Variants in COG5 observed in about 807,000 individuals in gnomAD.
The protein encoded by COG5 is conserved oligomeric Golgi complex subunit 5.
COG5 carries 86 observed loss-of-function variants against 110.4 expected under a neutral mutation model. That is an observed-to-expected ratio of 0.78 (90% CI 0.65 to 0.93). COG5 has a LOEUF of 0.93. Ranked by LOEUF, COG5 falls within the 40% of genes least tolerant of loss-of-function variation. The pLI is 0.00. For missense variants in COG5, 1,077 were observed against 987.0 expected (o/e 1.09, Z -1.22); for synonymous variants, 360 against 334.6 (o/e 1.08, Z -0.83).
At chr7:107,539,593 G>A (rs1440430060) in intron 5 of COG5, among the ~76,000 whole-genome samples, 1 of 151,842 alleles carries the variant, frequency 6.6e-6, no homozygotes, top group African/African-American at 2.4e-5. Flanking sequence ...TTCTTTTTTG[G>A]GTAATGAAAA....
intron 7 of COG5, among the ~76,000 whole-genome samples, chr7:107,383,849 TA>T (rs1197145633): frequency 1.3e-5 from 2 of 152,306 alleles, no homozygotes; most frequent in South Asian, 4.1e-4. Context: ...GCCTCTGTAC[TA>T]GGGGACACTC....
chr7:107,504,234 T>C (rs1798821862), intron 6 of COG5, among the ~76,000 whole-genome samples: 1 of 152,222 alleles, frequency 6.6e-6, no homozygotes, highest in South Asian at 2.1e-4. Flanking sequence ...CCGGATGCTT[T>C]TTCTGCATCT....
At chr7:107,263,568 T>TAC (rs975090161) in intron 14 of COG5, among the ~76,000 whole-genome samples, 14 of 151,662 alleles carry the variant, frequency 9.2e-5, no homozygotes, top group Middle Eastern at 3.2e-3. Context: ...CACACACAAA[T>TAC]ACACACACAC....
chr7:107,231,504 A>T (rs938311157), intron 18 of COG5, among the ~76,000 whole-genome samples: 2 of 152,140 alleles, frequency 1.3e-5, no homozygotes, highest in Non-Finnish European at 2.9e-5. Context: ...AACTTTTTGC[A>T]TATGTGCTAC....
intron 6 of COG5, among the ~76,000 whole-genome samples, chr7:107,460,507 T>C (rs1795923960): frequency 6.6e-6 from 1 of 152,100 alleles, no homozygotes; most frequent in Non-Finnish European, 1.5e-5. Context: ...CATCCAAAGT[T>C]GTGGAATGTT....
At chr7:107,545,779 CAAAAAAAA>C (rs59515448) in intron 5 of COG5, among the ~76,000 whole-genome samples, 38 of 69,840 alleles carry the variant, frequency 5.4e-4, no homozygotes, top group African/African-American at 2.0e-3. Context: ...GACTCCATCT[CAAAAAAAA>C]AAAAAAAAAA....
intron 12 of COG5, among the ~76,000 whole-genome samples, chr7:107,296,365 T>C (rs966567376): frequency 3.9e-5 from 6 of 152,030 alleles, no homozygotes; most frequent in Non-Finnish European, 7.4e-5. Flanking sequence ...AAGGCAGAAA[T>C]AGAATACTAT....
intron 6 of COG5, among the ~76,000 whole-genome samples, chr7:107,469,092 T>C (rs1796478023): frequency 6.6e-6 from 1 of 151,208 alleles, no homozygotes; most frequent in South Asian, 2.1e-4. Flanking sequence ...ACTTGTACCA[T>C]TATTTTCATT....
chr7:107,536,763 T>C (rs529885083), intron 5 of COG5, among the ~76,000 whole-genome samples: 96 of 152,278 alleles, frequency 6.3e-4, no homozygotes, highest in Non-Finnish European at 1.1e-3. Context: ...AAAAAACTAC[T>C]TTAAATTTCA....
chr7:107,554,772 G>A (rs879835094), intron 2 of COG5, among the ~76,000 whole-genome samples: 5 of 151,996 alleles, frequency 3.3e-5, no homozygotes, highest in South Asian at 4.2e-4. Flanking sequence ...AGTCTTCCTC[G>A]GGCCTCTCCA....
At chr7:107,309,161 T>C (rs1197661405) in intron 11 of COG5, among the ~76,000 whole-genome samples, 1 of 152,062 alleles carries the variant, frequency 6.6e-6, no homozygotes, top group African/African-American at 2.4e-5. Context: ...ACATCATCAC[T>C]TCACTTTGAT....
At chr7:107,352,226 G>A (rs574813098) in intron 10 of COG5, among the ~76,000 whole-genome samples, 156 of 143,126 alleles carry the variant, frequency 1.1e-3, no homozygotes, top group African/African-American at 1.2e-3. Flanking sequence ...ACCAAACACC[G>A]CATGTTCTCA....
intron 8 of COG5, among the ~76,000 whole-genome samples, chr7:107,371,998 T>C (rs1275294918): frequency 1.3e-5 from 2 of 152,204 alleles, no homozygotes; most frequent in African/African-American, 4.8e-5. Flanking sequence ...CGGAGAACTG[T>C]GTGTATATGT....
intron 10 of COG5, among the ~76,000 whole-genome samples, chr7:107,354,253 T>G (rs977589931): frequency 6.6e-6 from 1 of 152,188 alleles, no homozygotes; most frequent in Non-Finnish European, 1.5e-5. Context: ...ATACTCTACA[T>G]CAATTAATGT....
At chr7:107,557,135 A>T (rs2237675) in intron 2 of COG5, among the ~76,000 whole-genome samples, 1,530 of 152,300 alleles carry the variant, frequency 0.01, 28 homozygotes, top group East Asian at 0.074. Context: ...AGAATTTTAG[A>T]GTTAAAATAA....
rs528558664 is a variant in COG5, at chr7:107,546,012, T to C, written c.417+2099A>G. ...AACAAACTTAAGAAGACTGAGATCATATCAAATATCTTTTCCAACCACAAT... is the reference window on the plus strand; with the variant it reads ...AACAAACTTAAGAAGACTGAGATCACATCAAATATCTTTTCCAACCACAAT... On this transcript the variant is annotated intron_variant, in intron 5 of 21. Transcript: ENST00000297135. Among the ~76,000 whole-genome samples, 3 of 152,210 alleles carry C rather than the reference T, an allele frequency of 2.0e-5. No individual in the cohort carries two copies. In the South Asian group the frequency reaches 6.2e-4, roughly 32 times the overall value.
At chr7:107,396,184 T>C (rs1790995071) in intron 7 of COG5, among the ~76,000 whole-genome samples, 1 of 152,166 alleles carries the variant, frequency 6.6e-6, no homozygotes, top group Non-Finnish European at 1.5e-5. Flanking sequence ...CATGGGAGAT[T>C]ACAAGAATTA....
rs918009376 is a variant in COG5 at position 107,551,233 on chromosome 7, G to C, written c.293-2901C>G. On this transcript the variant is annotated intron_variant, in intron 3 of 21. Coordinates refer to ENST00000297135, the MANE Select transcript of COG5 (RefSeq NM_006348.5). Reference sequence around the variant, plus strand: ...AATTTTTTGTATTTTTAGTAGACACGGGGTTTCACCATGTTAGCCAGGATG... The same window carrying C: ...AATTTTTTGTATTTTTAGTAGACACCGGGTTTCACCATGTTAGCCAGGATG... 5.3e-5 allele frequency among the ~76,000 whole-genome samples: 8 copies of C among 152,072 alleles called. No individual in the cohort carries two copies. In the East Asian group the frequency reaches 1.6e-3, roughly 30 times the overall value.
At chr7:107,227,119 C>A (rs747047077) in intron 19 of COG5, among the ~76,000 whole-genome samples, 1 of 152,134 alleles carries the variant, frequency 6.6e-6, no homozygotes, top group Non-Finnish European at 1.5e-5. Flanking sequence ...GAGTTAAGGG[C>A]CTCGTGAGAA....
Sources: allele counts gnomAD v4.1 joint callset (sites outside exome capture counted in the v4.1 genomes callset), GRCh38; gene constraint gnomAD v4.1.1; transcripts MANE v1.5; gene names NCBI Gene and HGNC (gene_info 2026-07-23, HGNC 2026-07-21).